The following PDE1C variants were observed in gnomAD, a reference collection of about 807,000 sequenced individuals.
PDE1C encodes dual specificity calcium/calmodulin-dependent 3',5'-cyclic nucleotide phosphodiesterase 1C.
A neutral mutation model predicts 93.1 loss-of-function variants in PDE1C; 62 were observed. The observed-to-expected ratio is 0.67, with a 90% CI of 0.54 to 0.82. The LOEUF (loss-of-function observed/expected upper bound fraction) is 0.82. Among genes scored for constraint, PDE1C ranks in the 40% least tolerant of loss-of-function variants. PDE1C has a pLI of 0.00. For missense variants in PDE1C, 742 were observed against 884.6 expected (o/e 0.84, Z 2.04); for synonymous variants, 325 against 310.1 (o/e 1.05, Z -0.50).
At chr7:32,087,933 A>G (rs1373233507) in intron 3 of PDE1C, among the ~76,000 whole-genome samples, 1 of 152,034 alleles carries the variant, frequency 6.6e-6, no homozygotes, top group Admixed American at 6.5e-5. Context: ...GCACACCAGC[A>G]TGGCACATGT....
chr7:32,320,622 T>TACAC (rs58913478), intron 1 of PDE1C, among the ~76,000 whole-genome samples: 10,968 of 149,612 alleles, frequency 0.073, 457 homozygotes, highest in Non-Finnish European at 0.1. Flanking sequence ...GGCACACACA[T>TACAC]ACACACACAC....
chr7:32,380,811 T>C (rs1387943363), intron 1 of PDE1C, among the ~76,000 whole-genome samples: 1 of 152,164 alleles, frequency 6.6e-6, no homozygotes, highest in Non-Finnish European at 1.5e-5. Flanking sequence ...TCCTCAGCTT[T>C]CTGACCTCTA....
chr7:31,841,443 C>T (rs1453055954), intron 9 of PDE1C, among the ~76,000 whole-genome samples: 1 of 151,928 alleles, frequency 6.6e-6, no homozygotes, highest in Non-Finnish European at 1.5e-5. Context: ...TTGTCTTACT[C>T]CCAGTCTTAA....
At chr7:31,795,239 G>A (rs1355304522) in intron 16 of PDE1C, among the ~76,000 whole-genome samples, 1 of 151,778 alleles carries the variant, frequency 6.6e-6, no homozygotes, top group Non-Finnish European at 1.5e-5. Flanking sequence ...TTACTTCAAA[G>A]GTTCCCTTTA....
At chr7:32,294,830 C>T (rs1278749498) in intron 1 of PDE1C, among the ~76,000 whole-genome samples, 1 of 152,204 alleles carries the variant, frequency 6.6e-6, no homozygotes, top group Non-Finnish European at 1.5e-5. Context: ...CTTGCACTTC[C>T]ACATATGGCC....
At chr7:32,058,274 C>A (rs976406987) in intron 1 of PDE1C, among the ~76,000 whole-genome samples, 1 of 152,156 alleles carries the variant, frequency 6.6e-6, no homozygotes, top group African/African-American at 2.4e-5. Flanking sequence ...ACACACAGAC[C>A]GCTTCGGAAA....
At chr7:31,987,653 T>C (rs1386035665) in intron 2 of PDE1C, among the ~76,000 whole-genome samples, 1 of 152,214 alleles carries the variant, frequency 6.6e-6, no homozygotes, top group Non-Finnish European at 1.5e-5. Context: ...CCAACTTATT[T>C]AGCATCACTA....
intron 3 of PDE1C, among the ~76,000 whole-genome samples, chr7:32,107,932 A>G (rs373573834): frequency 5.3e-5 from 8 of 152,030 alleles, no homozygotes; most frequent in African/African-American, 1.9e-4. Context: ...TTAAAAGTGG[A>G]TTTGGATCTG....
the PDE1C span, among the ~76,000 whole-genome samples, chr7:31,671,298 G>A: frequency 4.6e-5 from 7 of 152,118 alleles, no homozygotes; most frequent in Non-Finnish European, 7.3e-5. Flanking sequence ...GCATGGATTC[G>A]TTCCTGATGG....
At chr7:32,428,113 CGGA>C (rs1785576087) in exon 1 of PDE1C, 1 of 152,360 alleles carries the variant, frequency 6.6e-6, no homozygotes, top group South Asian at 2.1e-4. Flanking sequence ...CGCGCCAGCG[CGGA>C]GGAGACCGAG....
chr7:32,235,461 A>G (rs113601713), intron 1 of PDE1C, among the ~76,000 whole-genome samples: 16 of 152,206 alleles, frequency 1.1e-4, no homozygotes, highest in African/African-American at 3.8e-4. Flanking sequence ...TAGTAAGGTC[A>G]GAGGATCTAA....
chr7:32,178,056 T>G (rs73304611), intron 2 of PDE1C, among the ~76,000 whole-genome samples: 5,625 of 152,176 alleles, frequency 0.037, 333 homozygotes, highest in African/African-American at 0.13. Flanking sequence ...CACACATAAG[T>G]ATGGGGCAAT....
intron 6 of PDE1C, 72 bp from the exon 7 acceptor site, chr7:31,865,154 A>G: frequency 1.3e-6 from 2 of 1,520,030 alleles, no homozygotes; most frequent in Non-Finnish European, 1.8e-6. Flanking sequence ...AGTCTAAGGC[A>G]CCAGGACTGC....
At chr7:32,135,439 C>A (rs914186650) in intron 3 of PDE1C, among the ~76,000 whole-genome samples, 34 of 151,956 alleles carry the variant, frequency 2.2e-4, no homozygotes, top group African/African-American at 7.7e-4. Context: ...ATGAAACAAA[C>A]AAAAAATGTT....
chr7:31,851,853 A>G (rs1793380532), intron 7 of PDE1C, among the ~76,000 whole-genome samples: 1 of 152,230 alleles, frequency 6.6e-6, no homozygotes, highest in Non-Finnish European at 1.5e-5. Flanking sequence ...AAAGAGCAGA[A>G]CACATTTATA....
chr7:31,889,939 T>G (rs934763486), intron 2 of PDE1C, among the ~76,000 whole-genome samples: 3 of 152,196 alleles, frequency 2.0e-5, no homozygotes, highest in Non-Finnish European at 4.4e-5. Context: ...TTATCCCCTG[T>G]TTTTATTGCC....
intron 2 of PDE1C, among the ~76,000 whole-genome samples, chr7:32,030,483 C>A (rs75819438): frequency 6.6e-6 from 1 of 151,938 alleles, no homozygotes; most frequent in Non-Finnish European, 1.5e-5. Flanking sequence ...AAAATTAGAT[C>A]GCTGAAAATC....
At chr7:31,832,152 A>G (rs1459803180) in intron 11 of PDE1C, among the ~76,000 whole-genome samples, 1 of 152,218 alleles carries the variant, frequency 6.6e-6, no homozygotes, top group East Asian at 1.9e-4. Flanking sequence ...TGATAATTTC[A>G]TAGAGAACAA....
At chr7:32,269,913 A>G (rs1298806932) in intron 1 of PDE1C, among the ~76,000 whole-genome samples, 1 of 152,122 alleles carries the variant, frequency 6.6e-6, no homozygotes, top group Admixed American at 6.5e-5. Flanking sequence ...AGCTAGGACT[A>G]CATGCATGCA....
Sources: allele counts gnomAD v4.1 joint callset (sites outside exome capture counted in the v4.1 genomes callset), GRCh38; gene constraint gnomAD v4.1.1; transcripts MANE v1.5; gene names NCBI Gene and HGNC (gene_info 2026-07-23, HGNC 2026-07-21).